SLC44A5: variants seen among roughly 807,000 people sequenced by gnomAD.
SLC44A5 encodes solute carrier family 44 member 5.
Under a neutral mutation model 101.8 loss-of-function variants are expected in SLC44A5, and 57 were observed. The ratio of observed to expected loss-of-function variants is 0.56; its 90% CI spans 0.45 to 0.70. The LOEUF is 0.70. Ranked by LOEUF, SLC44A5 falls within the 30% of genes least tolerant of loss-of-function variation. The pLI, the probability that SLC44A5 is intolerant of heterozygous loss-of-function variation, is 0.00. For missense variants in SLC44A5, 737 were observed against 853.1 expected (o/e 0.86, Z 1.70); for synonymous variants, 281 against 290.9 (o/e 0.97, Z 0.35).
chr1:75,604,890 T>C (rs1165146500), intron 1 of SLC44A5, among the ~76,000 whole-genome samples: 1 of 152,042 alleles, frequency 6.6e-6, no homozygotes, highest in Non-Finnish European at 1.5e-5. Flanking sequence ...TTTACTGAAG[T>C]CATTTTTCAG....
chr1:75,507,603 T>A (rs75818373), intron 2 of SLC44A5, among the ~76,000 whole-genome samples: 76 of 152,268 alleles, frequency 5.0e-4, no homozygotes, highest in East Asian at 2.7e-3. Context: ...CTCGATTTTT[T>A]AAATGGTTTC....
chr1:75,323,704 C>T (rs1204970553), intron 4 of SLC44A5, among the ~76,000 whole-genome samples: 1 of 152,150 alleles, frequency 6.6e-6, no homozygotes, highest in Non-Finnish European at 1.5e-5. Flanking sequence ...ATATGTTTCG[C>T]TAATTCTTCC....
At chr1:75,410,780 T>G (rs1448048235) in intron 2 of SLC44A5, among the ~76,000 whole-genome samples, 1 of 152,136 alleles carries the variant, frequency 6.6e-6, no homozygotes, top group Non-Finnish European at 1.5e-5. Flanking sequence ...GAAATCGTGC[T>G]TATTACACTT....
chr1:75,712,751 TGTC>T, the SLC44A5 span, among the ~76,000 whole-genome samples: 34 of 146,204 alleles, frequency 2.3e-4, no homozygotes, highest in African/African-American at 8.0e-4. Context: ...CAAAAAATGC[TGTC>T]GTTTAAAAAA....
At chr1:75,650,812 T>G in the SLC44A5 span, among the ~76,000 whole-genome samples, 1 of 152,182 alleles carries the variant, frequency 6.6e-6, no homozygotes, top group East Asian at 1.9e-4. Flanking sequence ...GAGACTGATC[T>G]GAAACTCCTG....
chr1:75,678,104 A>G, the SLC44A5 span, among the ~76,000 whole-genome samples: 1 of 152,110 alleles, frequency 6.6e-6, no homozygotes, highest in Non-Finnish European at 1.5e-5. Context: ...CCTGGCTCGG[A>G]GGGTCCTACC....
chr1:75,397,643 G>A (rs1012129599), intron 2 of SLC44A5, among the ~76,000 whole-genome samples: 1 of 152,156 alleles, frequency 6.6e-6, no homozygotes, highest in Non-Finnish European at 1.5e-5. Context: ...AAGCCTTGCA[G>A]TAGTTACAAT....
intron 1 of SLC44A5, among the ~76,000 whole-genome samples, chr1:75,590,844 AG>A (rs1674311592): frequency 6.6e-6 from 1 of 152,204 alleles, no homozygotes; most frequent in African/African-American, 2.4e-5. Flanking sequence ...ACTCCCAGAT[AG>A]CACTTCTGAA....
chr1:75,461,347 T>C (rs1666486183), intron 2 of SLC44A5, among the ~76,000 whole-genome samples: 1 of 152,182 alleles, frequency 6.6e-6, no homozygotes, highest in Admixed American at 6.5e-5. Flanking sequence ...GATAATATTA[T>C]TTAGGTCACA....
chr1:75,216,235 T>A (rs1248275197), intron 18 of SLC44A5, among the ~76,000 whole-genome samples: 2 of 152,066 alleles, frequency 1.3e-5, no homozygotes, highest in African/African-American at 4.8e-5. Context: ...CCCTTTTGTA[T>A]CTTGCTTATT....
chr1:75,525,445 A>G (rs928494407), intron 2 of SLC44A5, among the ~76,000 whole-genome samples: 1 of 152,194 alleles, frequency 6.6e-6, no homozygotes, highest in African/African-American at 2.4e-5. Flanking sequence ...GAGTATAAGA[A>G]CAAGGAGAAC....
chr1:75,390,567 CA>C (rs1221434701), intron 3 of SLC44A5, among the ~76,000 whole-genome samples: 2 of 152,032 alleles, frequency 1.3e-5, no homozygotes, highest in Non-Finnish European at 2.9e-5. Flanking sequence ...AAACAAAGAC[CA>C]TATGATCATC....
At position 75,578,909 on chromosome 1, in the gene SLC44A5, CACTT is replaced by C. The variant is rs551344905; in HGVS notation, c.-70+32127_-70+32130del. Among the ~76,000 whole-genome samples the C allele has an allele frequency of 2.6e-3, 391 of 152,066 alleles. 1 individual carries two copies. The highest frequency in any genetic ancestry group is 9.1e-3 in the African/African-American group (377 of 41,484). On this transcript the variant is annotated intron_variant, in intron 1 of 23. Coordinates refer to ENST00000370859, the MANE Select transcript of SLC44A5 (RefSeq NM_001130058.2). Reference sequence around the variant, plus strand: ...GAAAATACATACAATTTTTATTTGTCACTTACAAAATCATCTGTATTGCTAAATT... The same window carrying C: ...GAAAATACATACAATTTTTATTTGTCACAAAATCATCTGTATTGCTAAATT...
At chr1:75,363,568 C>T (rs1020687382) in intron 3 of SLC44A5, among the ~76,000 whole-genome samples, 4 of 151,990 alleles carry the variant, frequency 2.6e-5, no homozygotes, top group Admixed American at 6.6e-5. Context: ...TTTATACTCA[C>T]CTCCTTATAT....
the SLC44A5 span, among the ~76,000 whole-genome samples, chr1:75,625,554 G>A: frequency 1.5e-4 from 23 of 152,040 alleles, no homozygotes; most frequent in African/African-American, 2.2e-4. Context: ...ATATTCAATC[G>A]GAAAATCTGA....
chr1:75,504,333 G>T (rs555816187), intron 2 of SLC44A5, among the ~76,000 whole-genome samples: 1 of 152,110 alleles, frequency 6.6e-6, no homozygotes, highest in African/African-American at 2.4e-5. Context: ...GGGCATTAAA[G>T]GGATTCTGGG....
At chr1:75,247,673 G>T (rs897367499) in intron 7 of SLC44A5, among the ~76,000 whole-genome samples, 8 of 152,160 alleles carry the variant, frequency 5.3e-5, no homozygotes, top group Admixed American at 4.6e-4. Context: ...ACAGAGAGTT[G>T]GGAGGAAATA....
rs1570339554 is a variant in SLC44A5, at chr1:75,202,832, C to T, written c.*895G>A. The T allele has an allele frequency of 6.6e-6, 1 of 151,378 alleles. No individual in the cohort carries two copies. The highest frequency in any genetic ancestry group is 1.5e-5 in the Non-Finnish European group (1 of 67,856). The allele number at this position is 151,378 out of a possible 1,614,324, so 9.4% of individuals were successfully genotyped here. Reference sequence around the variant, plus strand: ...ATTTTCAAAGATCTACTATAGAAAACATTTCATTTTAAAACTTCTCTTTTA... The same window carrying T: ...ATTTTCAAAGATCTACTATAGAAAATATTTCATTTTAAAACTTCTCTTTTA... On this transcript the variant is annotated 3_prime_UTR_variant, in exon 24 of 24. Transcript: ENST00000370859.
At chr1:75,361,600 T>C (rs2101117346) in intron 3 of SLC44A5, among the ~76,000 whole-genome samples, 1 of 152,224 alleles carries the variant, frequency 6.6e-6, no homozygotes, top group South Asian at 2.1e-4. Flanking sequence ...TCTATTGAGA[T>C]AATCATTTAG....
Sources: gnomAD v4.1 joint callset for allele counts (sites outside exome capture counted in the v4.1 genomes callset) on GRCh38, gnomAD v4.1.1 for gene constraint, MANE v1.5 for transcripts, NCBI Gene and HGNC (gene_info 2026-07-23, HGNC 2026-07-21) for gene names.